SFMBT1: variants seen among roughly 807,000 people sequenced by gnomAD.
SFMBT1 encodes scm-like with four MBT domains protein 1.
SFMBT1 carries 32 observed loss-of-function variants against 108.7 expected under a neutral mutation model. The observed-to-expected ratio is 0.29, with a 90% CI of 0.22 to 0.40. The LOEUF (loss-of-function observed/expected upper bound fraction) is 0.40, where lower values mean the gene tolerates loss of function less well. Ranked by LOEUF, SFMBT1 falls within the 10% of genes least tolerant of loss-of-function variation. The pLI is 1.00. For synonymous variants in SFMBT1, 348 were observed against 369.5 expected (o/e 0.94, Z 0.67); for missense variants, 816 against 1,059.6 (o/e 0.77, Z 3.19).
At chr3:53,017,031 G>A (rs564751305) in intron 1 of SFMBT1, among the ~76,000 whole-genome samples, 1 of 152,304 alleles carries the variant, frequency 6.6e-6, no homozygotes, top group South Asian at 2.1e-4. Context: ...AAGAAAAATA[G>A]GAACGAATGA....
chr3:53,009,355 G>A (rs952008718), intron 1 of SFMBT1, among the ~76,000 whole-genome samples: 5 of 152,088 alleles, frequency 3.3e-5, no homozygotes, highest in African/African-American at 9.7e-5. Flanking sequence ...GGCTGAGGCA[G>A]GAGAATTGCT....
intron 1 of SFMBT1, among the ~76,000 whole-genome samples, chr3:53,024,149 G>A (rs1353626695): frequency 1.3e-5 from 2 of 152,210 alleles, no homozygotes; most frequent in Non-Finnish European, 2.9e-5. Context: ...GCAGGGATAT[G>A]AAATGTTGGA....
At chr3:52,938,274 A>C (rs913467529) in intron 4 of SFMBT1, among the ~76,000 whole-genome samples, 3 of 152,368 alleles carry the variant, frequency 2.0e-5, no homozygotes, top group Admixed American at 2.0e-4. Context: ...GAGTATGCCC[A>C]GTAACACTTA....
chr3:53,034,718 C>G (rs553030254), intron 1 of SFMBT1, among the ~76,000 whole-genome samples: 16 of 152,300 alleles, frequency 1.1e-4, no homozygotes, highest in African/African-American at 3.6e-4. Flanking sequence ...GGGCAGATCA[C>G]TTGAGATCAC....
intron 2 of SFMBT1, among the ~76,000 whole-genome samples, chr3:52,957,281 C>CT (rs1315939166): frequency 6.6e-6 from 1 of 152,110 alleles, no homozygotes; most frequent in Non-Finnish European, 1.5e-5. Flanking sequence ...TGAAAGACCC[C>CT]TTCAAGGAGA....
At position 52,944,493 on chromosome 3, in the gene SFMBT1, T is replaced by C. The variant is rs552945090; in HGVS notation, c.124-900A>G. ...GACATGTAGTCACAGTAAGCAAATA[T>C]AGTGTACAAATTTTGATTTCTTTCT... On this transcript the variant is annotated intron_variant, in intron 3 of 20. Transcript: ENST00000394752. Among the ~76,000 whole-genome samples, 3 of 152,258 alleles carry C rather than the reference T, an allele frequency of 2.0e-5. No individual in the cohort carries two copies. The South Asian group carries it at 6.2e-4, about 32-fold the overall frequency.
chr3:53,011,964 G>C lies in SFMBT1; in HGVS notation c.-131+33852C>G, dbSNP rs543923011. Among the ~76,000 whole-genome samples, 35 of 152,252 alleles carry C rather than the reference G, an allele frequency of 2.3e-4. No homozygotes were observed. The South Asian group carries it at 4.8e-3, about 21-fold the overall frequency. ...TAATCAGAAAATCTCACGGAGAAAT[G>C]AACAGAGAATGAAGGAGAGACCACA... On this transcript the variant is annotated intron_variant, in intron 1 of 20. Coordinates refer to ENST00000394752, the MANE Select transcript of SFMBT1 (RefSeq NM_016329.4).
In SFMBT1 at chr3:52,955,108, TAAAC is replaced by T. The variant is rs543084748; in HGVS notation, c.29-701_29-698del. ...AGACACGAAAAACCCTTCAAAAAAA[TAAAC>T]AAATACAGGCACTGGTTTTTTGAAA... On this transcript the variant is annotated intron_variant, in intron 2 of 20. Transcript: ENST00000394752. 1.6e-3 allele frequency among the ~76,000 whole-genome samples: 237 copies of T among 152,048 alleles called. 1 individual carries two copies. Among genetic ancestry groups the T allele is most frequent in the African/African-American group, 5.4e-3 (225 of 41,480 alleles).
At chr3:52,911,866 A>C (rs913939890) in intron 16 of SFMBT1, among the ~76,000 whole-genome samples, 1 of 151,496 alleles carries the variant, frequency 6.6e-6, no homozygotes, top group Non-Finnish European at 1.5e-5. Context: ...CACCTGGCTA[A>C]TTTTTGTATT....
chr3:52,978,436 C>G (rs1704595961), intron 1 of SFMBT1, among the ~76,000 whole-genome samples: 1 of 152,112 alleles, frequency 6.6e-6, no homozygotes, highest in South Asian at 2.1e-4. Context: ...GAGTACCCCC[C>G]ACCTACAGCC....
At chr3:52,991,296 G>A (rs1705114010) in intron 1 of SFMBT1, among the ~76,000 whole-genome samples, 1 of 148,314 alleles carries the variant, frequency 6.7e-6, no homozygotes, top group Non-Finnish European at 1.5e-5. Flanking sequence ...CCTACCTGCT[G>A]TGGTTTGAAT....
At chr3:52,969,350 C>T in intron 1 of SFMBT1, 92 bp from the exon 2 acceptor site, 1 of 1,291,494 alleles carries the variant, frequency 7.7e-7, no homozygotes, top group Non-Finnish European at 1.0e-6. Context: ...TGAGAGATGA[C>T]ATAAGACAAA....
chr3:53,001,085 CAAAA>C (rs71657303), intron 1 of SFMBT1, among the ~76,000 whole-genome samples: 3,197 of 150,000 alleles, frequency 0.021, 174 homozygotes, highest in African/African-American at 0.073. Context: ...AAGTCAAAAA[CAAAA>C]AAGAACCACA....
intron 1 of SFMBT1, among the ~76,000 whole-genome samples, chr3:53,024,994 T>C (rs988308983): frequency 7.7e-5 from 11 of 142,664 alleles, no homozygotes; most frequent in African/African-American, 2.7e-4. Context: ...TCTCCAATAG[T>C]TATTATAGGG....
chr3:52,948,605 T>C (rs866703696), intron 3 of SFMBT1, among the ~76,000 whole-genome samples: 28 of 151,316 alleles, frequency 1.9e-4, no homozygotes, highest in Admixed American at 9.9e-4. Context: ...TTTACATCAG[T>C]AATGAATTGG....
intron 1 of SFMBT1, among the ~76,000 whole-genome samples, chr3:53,009,640 T>A (rs1330373226): frequency 1.3e-5 from 2 of 152,074 alleles, no homozygotes; most frequent in East Asian, 3.9e-4. Context: ...AACACAGGCG[T>A]CAGGATTACC....
At chr3:53,036,665 C>T (rs1559558607) in intron 1 of SFMBT1, among the ~76,000 whole-genome samples, 1 of 152,206 alleles carries the variant, frequency 6.6e-6, no homozygotes, top group African/African-American at 2.4e-5. Context: ...AGGAGCTAGA[C>T]AAACTCTAAA....
At chr3:52,953,985 C>T (rs545202777) in intron 3 of SFMBT1, among the ~76,000 whole-genome samples, 6 of 151,996 alleles carry the variant, frequency 3.9e-5, no homozygotes, top group African/African-American at 9.6e-5. Flanking sequence ...AATAGCCGGG[C>T]GTGGTGGCAG....
intron 3 of SFMBT1, among the ~76,000 whole-genome samples, chr3:52,950,478 TTTTG>T (rs994849293): frequency 6.8e-4 from 103 of 152,320 alleles, no homozygotes; most frequent in African/African-American, 2.4e-3. Context: ...TCATTACTTT[TTTTG>T]TTTGTGTTTT....
Sources: gnomAD v4.1 joint callset for allele counts (sites outside exome capture counted in the v4.1 genomes callset) on GRCh38, gnomAD v4.1.1 for gene constraint, MANE v1.5 for transcripts, NCBI Gene and HGNC (gene_info 2026-07-23, HGNC 2026-07-21) for gene names.